Variants in SEC63 observed in about 807,000 individuals in gnomAD.
SEC63 encodes the protein SEC63 protein translocation regulator, also known as translocation protein SEC63 homolog.
A neutral mutation model predicts 116.2 loss-of-function variants in SEC63; 56 were observed. The ratio of observed to expected loss-of-function variants is 0.48; its 90% CI spans 0.39 to 0.60. The LOEUF (loss-of-function observed/expected upper bound fraction) is 0.60, where lower values mean the gene tolerates loss of function less well. Ranked by LOEUF, SEC63 falls within the 20% of genes least tolerant of loss-of-function variation. The probability of loss-of-function intolerance (pLI) is 0.00; values close to 1 mark genes in which losing one functional copy is unlikely to be tolerated. For missense variants in SEC63, 668 were observed against 900.0 expected (o/e 0.74, Z 3.30); for synonymous variants, 273 against 294.6 (o/e 0.93, Z 0.75).
In SEC63 at chr6:107,921,737, C is replaced by G. The variant is rs899602689; in HGVS notation, c.452+60G>C. ...AAAGTACTGGGATTACAGGCATGAACCACTGCACCTGGCTTATCTGTACCA... is the reference window on the plus strand; with the variant it reads ...AAAGTACTGGGATTACAGGCATGAAGCACTGCACCTGGCTTATCTGTACCA... On this transcript the variant is annotated intron_variant, in intron 4 of 20. Coordinates refer to ENST00000369002, the MANE Select transcript of SEC63 (RefSeq NM_007214.5). The G allele has an allele frequency of 2.8e-6, 3 of 1,053,024 alleles. No individual in the cohort carries two copies. The South Asian group carries it at 3.8e-5, about 13-fold the overall frequency. The allele number at this position is 1,053,024 out of a possible 1,614,324, so 65.2% of individuals were successfully genotyped here.
intron 2 of SEC63, among the ~76,000 whole-genome samples, chr6:107,925,829 A>G (rs926427108): frequency 6.6e-6 from 1 of 152,226 alleles, no homozygotes; most frequent in African/African-American, 2.4e-5. Flanking sequence ...GTAGAGATGT[A>G]TCATTAGTTC....
At chr6:107,954,482 CA>C (rs4028832) in intron 1 of SEC63, 7 of 116,860 alleles carry the variant, frequency 6.0e-5, no homozygotes, top group Admixed American at 1.0e-4. Context: ...AAAAAAAAAT[CA>C]AAAAAAAAAA....
chr6:107,956,208 T>C, intron 1 of SEC63: 1 of 190,580 alleles, frequency 5.2e-6, no homozygotes, highest in South Asian at 6.3e-5. Flanking sequence ...CTTTTTTTTA[T>C]ACCTTTGTTC....
At chr6:107,879,940 A>G (rs1324349009) in intron 18 of SEC63, among the ~76,000 whole-genome samples, 1 of 152,176 alleles carries the variant, frequency 6.6e-6, no homozygotes, top group African/African-American at 2.4e-5. Flanking sequence ...TTATTAACTA[A>G]GCATGGTCTA....
chr6:107,923,248 A>G (rs1787598376), intron 3 of SEC63, among the ~76,000 whole-genome samples: 1 of 151,908 alleles, frequency 6.6e-6, no homozygotes, highest in South Asian at 2.1e-4. Flanking sequence ...AGTGGCTGGA[A>G]CCACAGGGGT....
chr6:107,880,982 G>C, intron 18 of SEC63, 167 bp downstream of exon 18: 1 of 611,904 alleles, frequency 1.6e-6, no homozygotes. Flanking sequence ...CGTTCACTAA[G>C]TATAATACCT....
chr6:107,896,270 C>T (rs1430431500), intron 14 of SEC63, among the ~76,000 whole-genome samples: 1 of 152,162 alleles, frequency 6.6e-6, no homozygotes, highest in Non-Finnish European at 1.5e-5. Flanking sequence ...TCAGGACCAG[C>T]CTGGCCAACA....
At chr6:107,888,688 C>T (rs2114417883) in intron 16 of SEC63, among the ~76,000 whole-genome samples, 1 of 152,260 alleles carries the variant, frequency 6.6e-6, no homozygotes, top group Admixed American at 6.5e-5. Context: ...AAAGAGAAGG[C>T]TTCCAGTTTT....
intron 1 of SEC63, among the ~76,000 whole-genome samples, chr6:107,939,711 G>A (rs544210633): frequency 2.0e-5 from 3 of 152,120 alleles, no homozygotes; most frequent in East Asian, 1.9e-4. Context: ...ACTCCAGCCC[G>A]GGTGAAAGTA....
In SEC63 at chr6:107,958,034, TTC is replaced by T. The variant is rs1180899971; in HGVS notation, c.-27_-26del. The stretch of plus-strand genomic sequence containing the variant: ...TGGCACCCCCTCCTCCGCCTCGCTC[TTC>T]TCACCGCCGCCGCCACGACCACGCT... On this transcript the variant is annotated 5_prime_UTR_variant, in exon 1 of 21. Coordinates refer to ENST00000369002, the MANE Select transcript of SEC63 (RefSeq NM_007214.5). 1 of 1,612,096 alleles carries T rather than the reference TTC, an allele frequency of 6.2e-7. No individual in the cohort carries two copies. The highest frequency in any genetic ancestry group is 8.5e-7 in the Non-Finnish European group (1 of 1,179,056).
chr6:107,883,803 T>A, intron 16 of SEC63, among the ~76,000 whole-genome samples: 1 of 147,190 alleles, frequency 6.8e-6, no homozygotes. Flanking sequence ...CAAGACCCTA[T>A]CTCAAAAAAA....
At chr6:107,929,322 C>A in intron 2 of SEC63, 93 bp downstream of exon 2, 1 of 713,872 alleles carries the variant, frequency 1.4e-6, no homozygotes, top group Non-Finnish European at 2.5e-6. Flanking sequence ...TCTTTACAGA[C>A]ACAATGACTT....
chr6:107,923,342 G>A (rs1227175224), intron 3 of SEC63, among the ~76,000 whole-genome samples: 4 of 151,948 alleles, frequency 2.6e-5, no homozygotes, highest in Non-Finnish European at 4.4e-5. Context: ...TCAAACTCTT[G>A]GCCTCAAGCA....
At chr6:107,945,898 T>C (rs1246141581) in intron 1 of SEC63, among the ~76,000 whole-genome samples, 1 of 152,130 alleles carries the variant, frequency 6.6e-6, no homozygotes, top group Admixed American at 6.5e-5. Flanking sequence ...TTTTACATAA[T>C]GCAGGCGGTT....
chr6:107,918,845 G>T (rs1045539023), intron 4 of SEC63, among the ~76,000 whole-genome samples: 7 of 150,272 alleles, frequency 4.7e-5, no homozygotes, highest in Admixed American at 3.3e-4. Flanking sequence ...GAACATTTGT[G>T]ATTCACAGGA....
intron 1 of SEC63, among the ~76,000 whole-genome samples, chr6:107,948,079 G>C (rs946438761): frequency 6.6e-6 from 1 of 151,962 alleles, no homozygotes; most frequent in African/African-American, 2.4e-5. Flanking sequence ...CCTATATATG[G>C]AATGCCCTTC....
chr6:107,946,107 T>C (rs963323023), intron 1 of SEC63, among the ~76,000 whole-genome samples: 4 of 151,502 alleles, frequency 2.6e-5, no homozygotes, highest in African/African-American at 9.7e-5. Context: ...CAGCTAATTT[T>C]TGTATTTTTA....
chr6:107,880,240 G>C (rs540471043), intron 18 of SEC63, among the ~76,000 whole-genome samples: 3 of 152,294 alleles, frequency 2.0e-5, no homozygotes, highest in Middle Eastern at 3.4e-3. Context: ...AATTATTTAC[G>C]AATTTGCCTT....
intron 2 of SEC63, among the ~76,000 whole-genome samples, chr6:107,926,755 C>T (rs927725421): frequency 2.0e-5 from 3 of 152,102 alleles, no homozygotes; most frequent in Middle Eastern, 6.8e-3. Context: ...AGATTTAAAA[C>T]CAAGCAAGGC....
Sources: gnomAD v4.1 joint callset for allele counts (sites outside exome capture counted in the v4.1 genomes callset) on GRCh38, gnomAD v4.1.1 for gene constraint, MANE v1.5 for transcripts, NCBI Gene and HGNC (gene_info 2026-07-23, HGNC 2026-07-21) for gene names.